The following SERPINB7 variants were observed in gnomAD, a reference collection of about 807,000 sequenced individuals.
SERPINB7 encodes serpin family B member 7.
In SERPINB7, 31 loss-of-function variants were observed where a neutral mutation model predicts 37.4. The ratio of observed to expected loss-of-function variants is 0.83; its 90% CI spans 0.62 to 1.12. SERPINB7 has a LOEUF of 1.12. Ranked by LOEUF, SERPINB7 falls within the 50% of genes most tolerant of loss-of-function variation. The probability of loss-of-function intolerance (pLI) is 0.00; values close to 1 mark genes in which losing one functional copy is unlikely to be tolerated. For synonymous variants in SERPINB7, 163 were observed against 166.1 expected, an observed-to-expected ratio of 0.98 and a Z score of 0.14; for missense variants, 521 against 455.3, an observed-to-expected ratio of 1.14 and a Z score of -1.31.
chr18:63,771,624 C>T (rs1279090763), upstream of SERPINB7, among the ~76,000 whole-genome samples: 4 of 152,170 alleles, frequency 2.6e-5, no homozygotes, highest in East Asian at 7.7e-4. Context: ...AGGCATCCTT[C>T]TAAGGGTTCG....
intron 2 of SERPINB7, among the ~76,000 whole-genome samples, chr18:63,785,254 C>T (rs1032157848): frequency 2.6e-5 from 4 of 152,188 alleles, no homozygotes; most frequent in Non-Finnish European, 1.5e-5. Context: ...CCCTTGTCAC[C>T]ATAAATCACA....
intron 7 of SERPINB7, among the ~76,000 whole-genome samples, chr18:63,801,814 G>A (rs920145277): frequency 1.3e-5 from 2 of 152,146 alleles, no homozygotes; most frequent in African/African-American, 4.8e-5. Context: ...CCAGTCTTAG[G>A]TTCTACAATA....
intron 1 of SERPINB7, among the ~76,000 whole-genome samples, chr18:63,756,279 T>C (rs1178003311): frequency 6.6e-6 from 1 of 152,176 alleles, no homozygotes; most frequent in Non-Finnish European, 1.5e-5. Flanking sequence ...CCTGTTTCAA[T>C]GTGAAATTGT....
chr18:63,776,195 A>G (rs2049246001), intron 1 of SERPINB7, among the ~76,000 whole-genome samples: 1 of 152,102 alleles, frequency 6.6e-6, no homozygotes, highest in South Asian at 2.1e-4. Context: ...GAGTTTTAAA[A>G]TAATGAAATA....
chr18:63,783,294 G>GAA (rs1447518198), intron 2 of SERPINB7, among the ~76,000 whole-genome samples: 1 of 147,466 alleles, frequency 6.8e-6, no homozygotes, highest in African/African-American at 2.5e-5. Flanking sequence ...AAGAAAGAAA[G>GAA]AAATGCAAAT....
At chr18:63,757,617 A>G (rs1441940518) in intron 1 of SERPINB7, among the ~76,000 whole-genome samples, 2 of 152,172 alleles carry the variant, frequency 1.3e-5, no homozygotes, top group African/African-American at 4.8e-5. Flanking sequence ...CATATTTCCT[A>G]TGTCTGCTTT....
intron 2 of SERPINB7, among the ~76,000 whole-genome samples, chr18:63,790,484 C>G (rs1008068405): frequency 1.3e-5 from 2 of 152,108 alleles, no homozygotes; most frequent in Non-Finnish European, 2.9e-5. Context: ...CAAAATTATG[C>G]CTGATACACA....
intron 1 of SERPINB7, among the ~76,000 whole-genome samples, chr18:63,759,812 A>G (rs545859986): frequency 2.6e-5 from 4 of 151,684 alleles, no homozygotes; most frequent in Admixed American, 6.6e-5. Context: ...CTTCTTCCTC[A>G]TTTTCTCTTG....
intron 6 of SERPINB7, among the ~76,000 whole-genome samples, 167 bp from the exon 7 acceptor site, chr18:63,800,699 A>G (rs1174320355): frequency 6.6e-6 from 1 of 152,236 alleles, no homozygotes; most frequent in African/African-American, 2.4e-5. Context: ...TGGCTTTACC[A>G]CTAAGATTTG....
chr18:63,757,101 C>A (rs1018602403), intron 1 of SERPINB7, among the ~76,000 whole-genome samples: 10 of 151,082 alleles, frequency 6.6e-5, no homozygotes, highest in Admixed American at 4.6e-4. Flanking sequence ...TTGTTAAAGT[C>A]CCTTGTGGTT....
At chr18:63,785,928 G>A (rs112593893) in intron 2 of SERPINB7, among the ~76,000 whole-genome samples, 7 of 111,044 alleles carry the variant, frequency 6.3e-5, no homozygotes, top group South Asian at 2.8e-4. Context: ...TATAATATAC[G>A]TATATATACA....
chr18:63,800,976 C>G lies in SERPINB7; in HGVS notation c.708C>G (p.Asn236Lys). 6.2e-7 allele frequency: 1 copy of G among 1,613,888 alleles called. No homozygotes were observed. The highest frequency in any genetic ancestry group is 8.5e-7 in the Non-Finnish European group (1 of 1,179,822). Residue 236 changes from asparagine to lysine, a missense_variant, in exon 7 of 8, where the codon AAC becomes AAG. Asn to Lys is a moderately conservative substitution (Grantham distance 94). Coordinates refer to ENST00000398019, the MANE Select transcript of SERPINB7 (RefSeq NM_003784.4). ...AGCTCAGATACAATGGTGGCATAAA[C>G]ATGTACGTTCTGCTGCCTGAGAATG... is the stretch of plus-strand genomic sequence containing the variant. ...ILELRYNGGI[N>K]MYVLLPENDL...
upstream of SERPINB7, among the ~76,000 whole-genome samples, chr18:63,774,304 T>C (rs1310692076): frequency 6.6e-6 from 1 of 151,992 alleles, no homozygotes; most frequent in Non-Finnish European, 1.5e-5. Flanking sequence ...TTGCACAAAA[T>C]TGAGAGGCGA....
At chr18:63,754,691 T>C (rs2049110419) in intron 1 of SERPINB7, among the ~76,000 whole-genome samples, 1 of 151,914 alleles carries the variant, frequency 6.6e-6, no homozygotes. Context: ...CCAGATGGAG[T>C]TTCAGCATCA....
intron 1 of SERPINB7, among the ~76,000 whole-genome samples, chr18:63,766,970 C>T (rs138879741): frequency 1.8e-4 from 28 of 152,216 alleles, no homozygotes; most frequent in Non-Finnish European, 2.9e-4. Flanking sequence ...CTGCTAAATA[C>T]ACTTTCAACT....
chr18:63,788,482 T>C (rs911143226), intron 2 of SERPINB7, among the ~76,000 whole-genome samples: 1 of 152,216 alleles, frequency 6.6e-6, no homozygotes, highest in Non-Finnish European at 1.5e-5. Context: ...AAAATGTTTT[T>C]AAAAAATAAG....
chr18:63,763,185 A>G (rs1168014831), intron 1 of SERPINB7, among the ~76,000 whole-genome samples: 1 of 152,186 alleles, frequency 6.6e-6, no homozygotes, highest in East Asian at 1.9e-4. Flanking sequence ...AAGTGCTGAC[A>G]TAATTTTTCT....
chr18:63,765,147 G>A (rs2049173974), intron 1 of SERPINB7, among the ~76,000 whole-genome samples: 2 of 152,028 alleles, frequency 1.3e-5, no homozygotes, highest in Admixed American at 6.6e-5. Context: ...ATAGCCATAA[G>A]CACCTCAAAC....
At chr18:63,782,913 C>A (rs1040868404) in intron 2 of SERPINB7, among the ~76,000 whole-genome samples, 1 of 151,630 alleles carries the variant, frequency 6.6e-6, no homozygotes, top group African/African-American at 2.4e-5. Flanking sequence ...CCGAGGCGGG[C>A]GGATCACGAG....
Sources: allele counts gnomAD v4.1 joint callset (sites outside exome capture counted in the v4.1 genomes callset), GRCh38; gene constraint gnomAD v4.1.1; transcripts MANE v1.5; gene names NCBI Gene and HGNC (gene_info 2026-07-23, HGNC 2026-07-21).